IKZF2: variants seen among roughly 807,000 people sequenced by gnomAD.
IKZF2 encodes the protein IKAROS family zinc finger 2.
In IKZF2, 15 loss-of-function variants were observed where a neutral mutation model predicts 49.2. That is an observed-to-expected ratio of 0.30 (90% CI 0.20 to 0.47). The LOEUF (loss-of-function observed/expected upper bound fraction) is 0.47, where lower values mean the gene tolerates loss of function less well. IKZF2 is among the 20% of genes least tolerant of loss of function. The probability of loss-of-function intolerance (pLI) is 1.00; values close to 1 mark genes in which losing one functional copy is unlikely to be tolerated. For missense variants in IKZF2, 567 were observed against 664.6 expected (o/e 0.85, Z 1.61); for synonymous variants, 227 against 221.4 (o/e 1.03, Z -0.23).
intron 6 of IKZF2, among the ~76,000 whole-genome samples, chr2:213,032,679 C>T (rs1276511269): frequency 1.3e-5 from 2 of 152,126 alleles, no homozygotes; most frequent in African/African-American, 2.4e-5. Flanking sequence ...TGAGCCCAGA[C>T]AGTCAAGGCT....
intron 6 of IKZF2, among the ~76,000 whole-genome samples, chr2:213,032,563 A>C (rs892904299): frequency 6.6e-6 from 1 of 152,082 alleles, no homozygotes; most frequent in Non-Finnish European, 1.5e-5. Flanking sequence ...ATGAAATCTC[A>C]TCTCTATAAA....
chr2:213,134,219 C>G (rs940822432), intron 4 of IKZF2, among the ~76,000 whole-genome samples: 1 of 152,124 alleles, frequency 6.6e-6, no homozygotes, highest in Non-Finnish European at 1.5e-5. Flanking sequence ...GGATGCAAAA[C>G]CTCATCTCAT....
At position 213,120,662 on chromosome 2, in the gene IKZF2, A is replaced by G. The variant is rs1007058306; in HGVS notation, c.139+27046T>C. 6.6e-5 allele frequency among the ~76,000 whole-genome samples: 10 copies of G among 152,228 alleles called. 1 individual carries two copies. On this transcript the variant is annotated intron_variant, in intron 4 of 8. Coordinates refer to ENST00000434687, the MANE Select transcript of IKZF2 (RefSeq NM_001387220.1). ...TAGAAGTAGGTGACAAAACTACAGAAAGGCAATGATTAATTCTATAACTCT... is the reference window on the plus strand; with the variant it reads ...TAGAAGTAGGTGACAAAACTACAGAGAGGCAATGATTAATTCTATAACTCT...
At chr2:213,009,451 T>A (rs1181576037) in intron 8 of IKZF2, among the ~76,000 whole-genome samples, 3 of 152,110 alleles carry the variant, frequency 2.0e-5, no homozygotes, top group Non-Finnish European at 2.9e-5. Flanking sequence ...TTCCCATAAA[T>A]GGTTAATATG....
intron 4 of IKZF2, among the ~76,000 whole-genome samples, chr2:213,107,592 T>C (rs2059576100): frequency 6.6e-6 from 1 of 152,242 alleles, no homozygotes; most frequent in Non-Finnish European, 1.5e-5. Context: ...CAGTCATTGC[T>C]GGAACTGTGT....
rs1695215501 is a variant in IKZF2, at chr2:213,005,095, ATT to A, written c.*2263_*2264del. The A allele has an allele frequency of 6.6e-6, 1 of 151,648 alleles. No individual in the cohort carries two copies. Among genetic ancestry groups the A allele is most frequent in the African/African-American group, 2.4e-5 (1 of 41,204 alleles). 9.4% of individuals were successfully genotyped at this position (151,648 alleles called of 1,614,324 possible). A position where few individuals can be genotyped will look rare whatever the true frequency, so the allele number is the denominator to read the frequency against. ...GACTGACATCCAAATGTTTCCTTAAATTGCAGTAAAAGACAAAATTGTGAACC... is the reference window on the plus strand; with the variant it reads ...GACTGACATCCAAATGTTTCCTTAAAGCAGTAAAAGACAAAATTGTGAACC... On this transcript the variant is annotated 3_prime_UTR_variant, in exon 9 of 9. Coordinates refer to ENST00000434687, the MANE Select transcript of IKZF2 (RefSeq NM_001387220.1).
chr2:213,007,213 C>A lies in IKZF2; in HGVS notation c.*147G>T. ...TAATTAGGCAGAGCAAATGACACTGCCTCCACAAAATAAGAATTATCAACA... is the reference window on the plus strand; with the variant it reads ...TAATTAGGCAGAGCAAATGACACTGACTCCACAAAATAAGAATTATCAACA... On this transcript the variant is annotated 3_prime_UTR_variant, in exon 9 of 9. Coordinates refer to ENST00000434687, the MANE Select transcript of IKZF2 (RefSeq NM_001387220.1). The A allele has an allele frequency of 1.2e-6, 1 of 839,594 alleles. No individual in the cohort carries two copies. The highest frequency in any genetic ancestry group is 1.8e-6 in the Non-Finnish European group (1 of 559,150). 52.0% of individuals were successfully genotyped at this position (839,594 alleles called of 1,614,324 possible). A position where few individuals can be genotyped will look rare whatever the true frequency, so the allele number is the denominator to read the frequency against.
chr2:213,063,146 T>C lies in IKZF2; in HGVS notation c.140-6047A>G, dbSNP rs1574683608. ...TAAACGGTGGGACATGTCCAGACAC[T>C]GGTGTCACTGAGCTGCAGCTGAGCC... On this transcript the variant is annotated intron_variant, in intron 4 of 8. Coordinates refer to ENST00000434687, the MANE Select transcript of IKZF2 (RefSeq NM_001387220.1). Among the ~76,000 whole-genome samples, 5 of 152,162 alleles carry C rather than the reference T, an allele frequency of 3.3e-5. No individual in the cohort carries two copies. In the East Asian group the frequency reaches 7.7e-4, roughly 24 times the overall value.
chr2:213,046,931 T>C (rs1700204989), intron 6 of IKZF2, among the ~76,000 whole-genome samples: 3 of 152,010 alleles, frequency 2.0e-5, no homozygotes, highest in Admixed American at 2.0e-4. Flanking sequence ...TTACATGGAC[T>C]TCCTCTTCTC....
At chr2:213,082,595 T>C (rs1704071981) in intron 4 of IKZF2, among the ~76,000 whole-genome samples, 1 of 152,190 alleles carries the variant, frequency 6.6e-6, no homozygotes, top group Non-Finnish European at 1.5e-5. Flanking sequence ...TTAACACATA[T>C]ATAGTCAATA....
chr2:213,010,818 G>A (rs1459157675), intron 8 of IKZF2, among the ~76,000 whole-genome samples: 1 of 152,054 alleles, frequency 6.6e-6, no homozygotes, highest in African/African-American at 2.4e-5. Flanking sequence ...ATATTTATTT[G>A]AACTTAGTCA....
intron 4 of IKZF2, among the ~76,000 whole-genome samples, chr2:213,061,249 T>C (rs1425742038): frequency 6.6e-6 from 1 of 151,520 alleles, no homozygotes; most frequent in Non-Finnish European, 1.5e-5. Context: ...TGCTTCCAGA[T>C]ACATAATAGT....
intron 4 of IKZF2, among the ~76,000 whole-genome samples, chr2:213,117,649 T>C (rs1351062933): frequency 1.3e-5 from 2 of 152,246 alleles, no homozygotes; most frequent in Admixed American, 6.5e-5. Context: ...CTGCAGTCAC[T>C]GCAACTGCAT....
chr2:213,148,507 A>G, intron 3 of IKZF2, 89 bp downstream of exon 3: 2 of 890,176 alleles, frequency 2.2e-6, no homozygotes, highest in Non-Finnish European at 3.6e-6. Context: ...CAGAATTCTC[A>G]ATAAAGTTTC....
At chr2:213,109,458 T>G (rs1211572824) in intron 4 of IKZF2, among the ~76,000 whole-genome samples, 2 of 151,196 alleles carry the variant, frequency 1.3e-5, no homozygotes, top group Non-Finnish European at 3.0e-5. Context: ...CACTCCAACC[T>G]TGACCACAAC....
chr2:213,023,795 G>A (rs1056350445), intron 6 of IKZF2, among the ~76,000 whole-genome samples: 3 of 152,136 alleles, frequency 2.0e-5, no homozygotes, highest in African/African-American at 7.2e-5. Flanking sequence ...ATAGCCCGCT[G>A]TAAACTACTT....
chr2:213,097,709 C>G (rs1706181373), intron 4 of IKZF2, among the ~76,000 whole-genome samples: 1 of 152,084 alleles, frequency 6.6e-6, no homozygotes, highest in South Asian at 2.1e-4. Flanking sequence ...ACCTGACACA[C>G]AGCACACGGA....
chr2:213,067,237 G>A (rs1392586210), intron 4 of IKZF2, among the ~76,000 whole-genome samples: 1 of 152,062 alleles, frequency 6.6e-6, no homozygotes, highest in African/African-American at 2.4e-5. Context: ...ATATATCTAT[G>A]TGAAAGCATT....
chr2:213,117,056 T>C lies in IKZF2; in HGVS notation c.139+30652A>G, dbSNP rs534579399. Among the ~76,000 whole-genome samples the C allele has an allele frequency of 3.7e-4, 56 of 152,204 alleles. 3 individuals are homozygous for C. The East Asian group carries it at 9.8e-3, about 27-fold the overall frequency. ...ATTCCGTAGGTAAAAAGCCCAGAAT[T>C]TGAGGTACATAAGGAAGAGAAGAAA... On this transcript the variant is annotated intron_variant, in intron 4 of 8. Coordinates refer to ENST00000434687, the MANE Select transcript of IKZF2 (RefSeq NM_001387220.1).
Sources: allele counts gnomAD v4.1 joint callset (sites outside exome capture counted in the v4.1 genomes callset), GRCh38; gene constraint gnomAD v4.1.1; transcripts MANE v1.5; gene names NCBI Gene and HGNC (gene_info 2026-07-23, HGNC 2026-07-21).